The following UVRAG variants were observed in gnomAD, a reference collection of about 807,000 sequenced individuals.
The protein encoded by UVRAG is UV radiation resistance-associated gene protein.
UVRAG carries 19 observed loss-of-function variants against 78.0 expected under a neutral mutation model. The observed-to-expected ratio is 0.24, with a 90% CI of 0.17 to 0.36. The LOEUF is 0.36. Ranked by LOEUF, UVRAG falls within the 10% of genes least tolerant of loss-of-function variation. The pLI is 1.00. For synonymous variants in UVRAG, 323 were observed against 324.6 expected, an observed-to-expected ratio of 1.00 and a Z score of 0.05; for missense variants, 740 against 853.8, an observed-to-expected ratio of 0.87 and a Z score of 1.66.
At chr11:76,114,818 A>G (rs748741970) in intron 13 of UVRAG, among the ~76,000 whole-genome samples, 2 of 152,198 alleles carry the variant, frequency 1.3e-5, no homozygotes, top group Non-Finnish European at 2.9e-5. Flanking sequence ...CCTGCTTTCT[A>G]TTCACATGAT....
intron 11 of UVRAG, among the ~76,000 whole-genome samples, chr11:76,009,873 C>T (rs1407730795): frequency 6.6e-6 from 1 of 152,072 alleles, no homozygotes; most frequent in East Asian, 1.9e-4. Context: ...TTAATTTATG[C>T]CCTACCTGTC....
intron 1 of UVRAG, among the ~76,000 whole-genome samples, chr11:75,840,382 C>T (rs1945883457): frequency 6.6e-6 from 1 of 151,904 alleles, no homozygotes. Context: ...CTACCTGTTT[C>T]TTAGAGTAAC....
At chr11:76,040,188 A>G (rs1300913112) in intron 12 of UVRAG, among the ~76,000 whole-genome samples, 2 of 152,138 alleles carry the variant, frequency 1.3e-5, no homozygotes, top group Non-Finnish European at 2.9e-5. Flanking sequence ...GACTAACTAA[A>G]GTATGCAAAT....
chr11:76,122,643 A>G (rs1022201190), intron 14 of UVRAG, among the ~76,000 whole-genome samples: 2 of 152,226 alleles, frequency 1.3e-5, no homozygotes, highest in Non-Finnish European at 2.9e-5. Context: ...ATCTATAGTC[A>G]TCTTACAGCT....
chr11:76,108,289 T>A (rs537895385), intron 13 of UVRAG, among the ~76,000 whole-genome samples: 1 of 152,198 alleles, frequency 6.6e-6, no homozygotes, highest in African/African-American at 2.4e-5. Flanking sequence ...CCTGGAAAAA[T>A]TGTGTTTAAA....
chr11:75,827,004 T>G (rs1190298425), intron 1 of UVRAG, among the ~76,000 whole-genome samples: 2 of 152,182 alleles, frequency 1.3e-5, no homozygotes, highest in African/African-American at 4.8e-5. Flanking sequence ...TTTTTCCTAC[T>G]GTGGTTTTTA....
intron 8 of UVRAG, among the ~76,000 whole-genome samples, chr11:75,990,990 A>G (rs1394947235): frequency 2.0e-5 from 3 of 152,210 alleles, no homozygotes; most frequent in African/African-American, 7.2e-5. Flanking sequence ...TCTAACTTCT[A>G]GTTTATCATT....
chr11:76,063,449 G>A (rs917581252), intron 12 of UVRAG, among the ~76,000 whole-genome samples: 2 of 152,166 alleles, frequency 1.3e-5, no homozygotes, highest in Non-Finnish European at 2.9e-5. Context: ...GTGACAGTAA[G>A]GCTCAGATGG....
intron 13 of UVRAG, among the ~76,000 whole-genome samples, chr11:76,097,295 A>T (rs1003786422): frequency 6.6e-6 from 1 of 152,032 alleles, no homozygotes; most frequent in Non-Finnish European, 1.5e-5. Flanking sequence ...CTAGTAACCT[A>T]CATTACTCTC....
chr11:75,985,747 TGA>T, intron 8 of UVRAG, among the ~76,000 whole-genome samples: 1 of 152,292 alleles, frequency 6.6e-6, no homozygotes, highest in East Asian at 1.9e-4. Context: ...TTTTTCGTAT[TGA>T]TAGTCAGTTG....
rs187681505 is a variant in UVRAG, at chr11:76,097,078, G to A, written c.1306-18846G>A. On this transcript the variant is annotated intron_variant, in intron 13 of 14. Coordinates refer to ENST00000356136, the MANE Select transcript of UVRAG (RefSeq NM_003369.4). Reference sequence around the variant, plus strand: ...TCCGCAAGTGCAAGATGGTGATGGAGGTGGAGAGTAGAATAGGAAGTTTCT... The same window carrying A: ...TCCGCAAGTGCAAGATGGTGATGGAAGTGGAGAGTAGAATAGGAAGTTTCT... Among the ~76,000 whole-genome samples, 720 of 152,236 alleles carry A rather than the reference G, an allele frequency of 4.7e-3. 9 individuals carry two copies. Among genetic ancestry groups the A allele is most frequent in the African/African-American group, 0.017 (694 of 41,538 alleles).
chr11:76,055,020 C>G lies in UVRAG; in HGVS notation c.1227-10690C>G, dbSNP rs74781532. On this transcript the variant is annotated intron_variant, in intron 12 of 14. Coordinates refer to ENST00000356136, the MANE Select transcript of UVRAG (RefSeq NM_003369.4). ...GTCTTCTCTCTTTCAAATTTCTGAC[C>G]TTTACTTTCTTCAAAACTAGTTTTA... 7.2e-3 allele frequency among the ~76,000 whole-genome samples: 1,100 copies of G among 152,154 alleles called. 13 individuals are homozygous for G. The highest frequency in any genetic ancestry group is 0.025 in the African/African-American group (1,041 of 41,524).
chr11:75,895,761 G>A (rs978742089), intron 5 of UVRAG, among the ~76,000 whole-genome samples: 3 of 152,064 alleles, frequency 2.0e-5, no homozygotes, highest in Admixed American at 1.3e-4. Context: ...ACAGGCGTGA[G>A]CCACCACACC....
At chr11:75,931,457 T>A (rs1056450068) in intron 6 of UVRAG, among the ~76,000 whole-genome samples, 44 of 152,174 alleles carry the variant, frequency 2.9e-4, no homozygotes, top group Non-Finnish European at 4.6e-4. Flanking sequence ...AGTGATACCA[T>A]CTTTCCTTTT....
In UVRAG at chr11:75,888,836, C is replaced by T. The variant is rs751431983; in HGVS notation, c.440C>T (p.Ala147Val). Residue 147 changes from alanine to valine, a missense_variant, in exon 5 of 15, where the codon GCC becomes GTC. Physicochemically the swap from Ala to Val is moderately conservative, Grantham distance 64 (BLOSUM62 0). Coordinates refer to ENST00000356136, the MANE Select transcript of UVRAG (RefSeq NM_003369.4). ...ATTTTCCTCCTCTCTTAGATTCATG[C>T]CCGAAACCAAAATGAAATAATTTTT... The part of the protein sequence containing the change: ...GLKYLGQQIH[A>V]RNQNEIIFGL... The T allele has an allele frequency of 2.0e-5, 33 of 1,612,940 alleles. No homozygotes were observed. The highest frequency in any genetic ancestry group is 2.6e-5 in the Non-Finnish European group (31 of 1,179,456).
chr11:75,974,384 G>A (rs1225459159), intron 7 of UVRAG, among the ~76,000 whole-genome samples: 6 of 134,918 alleles, frequency 4.4e-5, no homozygotes, highest in African/African-American at 1.7e-4. Flanking sequence ...TTTTGAGACG[G>A]AGTCTCGCTC....
chr11:75,879,061 C>T (rs999528148), intron 3 of UVRAG, among the ~76,000 whole-genome samples: 1 of 152,164 alleles, frequency 6.6e-6, no homozygotes. Context: ...GGTTTCGACT[C>T]CCTGGACGGT....
chr11:75,872,428 G>A (rs1048794439), intron 3 of UVRAG, among the ~76,000 whole-genome samples: 16 of 140,668 alleles, frequency 1.1e-4, no homozygotes, highest in African/African-American at 4.3e-4. Context: ...TCACTCTGTC[G>A]CCCAGGCTAG....
intron 6 of UVRAG, among the ~76,000 whole-genome samples, chr11:75,920,757 T>C (rs1393120073): frequency 6.6e-6 from 1 of 152,236 alleles, no homozygotes; most frequent in African/African-American, 2.4e-5. Flanking sequence ...ATATATGTTT[T>C]CTATATAATT....
Sources: allele counts gnomAD v4.1 joint callset (sites outside exome capture counted in the v4.1 genomes callset), GRCh38; gene constraint gnomAD v4.1.1; transcripts MANE v1.5; gene names NCBI Gene and HGNC (gene_info 2026-07-23, HGNC 2026-07-21).